UHRF1: variants seen among roughly 807,000 people sequenced by gnomAD.
UHRF1 encodes ubiquitin like with PHD and ring finger domains 1.
In UHRF1, 9 loss-of-function variants were observed where a neutral mutation model predicts 96.5. The observed-to-expected ratio is 0.09, with a 90% CI of 0.06 to 0.16. The LOEUF is 0.16. UHRF1 is among the 10% of genes least tolerant of loss of function. UHRF1 has a pLI of 1.00. For synonymous variants in UHRF1, 455 were observed against 469.9 expected (o/e 0.97, Z 0.41); for missense variants, 626 against 1,131.1 (o/e 0.55, Z 6.40).
chr19:4,916,078 G>A (rs573987741), intron 2 of UHRF1, among the ~76,000 whole-genome samples: 3 of 152,242 alleles, frequency 2.0e-5, no homozygotes, highest in African/African-American at 4.8e-5. Context: ...GGGAGGCTGA[G>A]GCGAGGATCG....
Position 4,932,754 on chromosome 19 carries a change from G to T in UHRF1, c.583G>T (p.Gly195Cys). 1 of 1,613,796 alleles carries T rather than the reference G, an allele frequency of 6.2e-7. No individual in the cohort carries two copies. The highest frequency in any genetic ancestry group is 8.5e-7 in the Non-Finnish European group (1 of 1,179,816). Reference protein sequence around the residue: ...HVKYDDYPENGVVQMNSRDVR... With the variant: ...HVKYDDYPENCVVQMNSRDVR... ...CTTTCCTCCCAGCTACCCGGAGAAC[G>T]GCGTGGTCCAGATGAACTCCAGGGA... Residue 195 changes from glycine (G) to cysteine (C), a missense_variant, in exon 5 of 17, where the codon GGC becomes TGC. Transcript: ENST00000650932.
At position 4,932,363 on chromosome 19, in the gene UHRF1, C is replaced by T. The variant is rs568513572; in HGVS notation, c.570-378C>T. On this transcript the variant is annotated intron_variant, in intron 4 of 16. Transcript: ENST00000650932. ...GATTACAGGCGTGGGCCACCTTGCC[C>T]GGCCTCTCCTCTTGTTCTAAAGACA... 6.6e-5 allele frequency among the ~76,000 whole-genome samples: 10 copies of T among 152,368 alleles called. No individual in the cohort carries two copies. In the South Asian group the frequency reaches 8.3e-4, roughly 13 times the overall value.
At chr19:4,956,612 A>G in intron 15 of UHRF1, 97 bp from the exon 16 acceptor site, 1 of 773,808 alleles carries the variant, frequency 1.3e-6, no homozygotes, top group Non-Finnish European at 2.3e-6. Context: ...CTGGGGACAG[A>G]ATTAGAGGAC....
chr19:4,928,997 A>G (rs1158245519), intron 2 of UHRF1, among the ~76,000 whole-genome samples: 2 of 152,122 alleles, frequency 1.3e-5, no homozygotes, highest in Admixed American at 1.3e-4. Flanking sequence ...GCAGTGCCAA[A>G]AGCCCTCGCT....
chr19:4,959,052 A>C (rs1382551074), intron 16 of UHRF1, among the ~76,000 whole-genome samples: 1 of 150,962 alleles, frequency 6.6e-6, no homozygotes, highest in Non-Finnish European at 1.5e-5. Flanking sequence ...ATCATAGCTC[A>C]TCGCAGCCTT....
chr19:4,949,839 T>A (rs914290459), intron 11 of UHRF1, among the ~76,000 whole-genome samples: 2 of 94,376 alleles, frequency 2.1e-5, no homozygotes, highest in Admixed American at 2.1e-4. Context: ...CCTTTCTCTT[T>A]TTGTTTGTTT....
chr19:4,905,037 A>G (rs73532659), upstream of UHRF1, among the ~76,000 whole-genome samples: 4,196 of 150,794 alleles, frequency 0.028, 189 homozygotes, highest in African/African-American at 0.097. Context: ...AGTCAAGCTC[A>G]TCCAACCCCT....
chr19:4,920,107 G>A (rs995801947), intron 2 of UHRF1, among the ~76,000 whole-genome samples: 7 of 152,172 alleles, frequency 4.6e-5, no homozygotes, highest in Non-Finnish European at 1.0e-4. Flanking sequence ...ATGAGCCATC[G>A]CACCCGGCCA....
At chr19:4,928,649 A>G (rs562217377) in intron 2 of UHRF1, among the ~76,000 whole-genome samples, 1 of 152,298 alleles carries the variant, frequency 6.6e-6, no homozygotes, top group African/African-American at 2.4e-5. Context: ...GGATGCTGGC[A>G]TGTGCCTCTT....
intron 16 of UHRF1, among the ~76,000 whole-genome samples, chr19:4,959,968 C>T (rs570886320): frequency 6.6e-6 from 1 of 152,378 alleles, no homozygotes; most frequent in East Asian, 1.9e-4. Context: ...TCAAGCCATT[C>T]TCTTGCCTTA....
intron 1 of UHRF1, chr19:4,909,887 C>T (rs2032185333): frequency 1.6e-5 from 6 of 373,814 alleles, no homozygotes; most frequent in Non-Finnish European, 2.9e-5. Context: ...TCGAGCGCGC[C>T]GGGTGGGGGA....
chr19:4,947,131 G>A lies in UHRF1; in HGVS notation c.1437G>A (p.Thr479=), dbSNP rs978967894. The A allele has an allele frequency of 4.5e-5, 73 of 1,612,336 alleles. No homozygotes were observed. Among genetic ancestry groups the A allele is most frequent in the Non-Finnish European group, 5.6e-5 (66 of 1,179,450 alleles). The change falls in exon 11 of 17, where the codon ACG becomes ACA. Residue 479 remains threonine, a synonymous_variant. Coordinates refer to ENST00000650932, the MANE Select transcript of UHRF1 (RefSeq NM_001048201.3). ...ACCATGGGAATTTTTTCACATACAC[G>A]GGTAGTGGTGGTCGAGATCTTTCCG... ...DVDHGNFFTY[T]GSGGRDLSGN...
At chr19:4,950,477 C>G in intron 11 of UHRF1, 134 bp from the exon 12 acceptor site, 1 of 928,052 alleles carries the variant, frequency 1.1e-6, no homozygotes, top group Non-Finnish European at 1.6e-6. Context: ...CTCCTGACTT[C>G]AGGCGATCTG....
chr19:4,907,337 T>C (rs1218651225), upstream of UHRF1, among the ~76,000 whole-genome samples: 1 of 152,144 alleles, frequency 6.6e-6, no homozygotes, highest in African/African-American at 2.4e-5. Context: ...TGGCACGATC[T>C]CTGCTCACTG....
At chr19:4,918,363 C>T (rs532246245) in intron 2 of UHRF1, among the ~76,000 whole-genome samples, 3 of 151,792 alleles carry the variant, frequency 2.0e-5, no homozygotes, top group Non-Finnish European at 4.4e-5. Context: ...CTCAGGTGAT[C>T]CACCCACCTT....
intron 5 of UHRF1, among the ~76,000 whole-genome samples, chr19:4,936,419 C>T (rs1030723194): frequency 2.6e-5 from 4 of 152,040 alleles, no homozygotes; most frequent in Non-Finnish European, 4.4e-5. Flanking sequence ...AGACAACACG[C>T]GAGGATGGGT....
chr19:4,919,800 T>C (rs2032644932), intron 2 of UHRF1, among the ~76,000 whole-genome samples: 2 of 151,604 alleles, frequency 1.3e-5, no homozygotes, highest in African/African-American at 4.9e-5. Flanking sequence ...TCTTCTTTCA[T>C]TTAAATTATT....
intron 2 of UHRF1, among the ~76,000 whole-genome samples, chr19:4,924,228 C>T (rs2032795670): frequency 2.6e-5 from 4 of 152,130 alleles, no homozygotes; most frequent in African/African-American, 9.7e-5. Context: ...CGGCTCACGG[C>T]AAGCTCCGCC....
intron 15 of UHRF1, among the ~76,000 whole-genome samples, chr19:4,955,528 G>A (rs886913074): frequency 6.6e-6 from 1 of 152,002 alleles, no homozygotes; most frequent in African/African-American, 2.4e-5. Context: ...GGATGGTGAC[G>A]TCTCAGGATG....
Sources: gnomAD v4.1 joint callset for allele counts (sites outside exome capture counted in the v4.1 genomes callset) on GRCh38, gnomAD v4.1.1 for gene constraint, MANE v1.5 for transcripts, NCBI Gene and HGNC (gene_info 2026-07-23, HGNC 2026-07-21) for gene names.